Variants in XIRP2 observed in about 807,000 individuals in gnomAD.
XIRP2 encodes the protein xin actin-binding repeat-containing protein 2.
XIRP2 carries 236 observed loss-of-function variants against 277.0 expected under a neutral mutation model. The observed-to-expected ratio is 0.85, with a 90% CI of 0.77 to 0.95. The LOEUF is 0.95. Among genes scored for constraint, XIRP2 ranks in the 40% least tolerant of loss-of-function variants. The pLI is 0.00. For synonymous variants in XIRP2, 1,490 were observed against 1,416.5 expected, an observed-to-expected ratio of 1.05 and a Z score of -1.17; for missense variants, 4,640 against 4,157.5, an observed-to-expected ratio of 1.12 and a Z score of -3.19.
chr2:167,082,573 G>C (rs1574235610), intron 2 of XIRP2, among the ~76,000 whole-genome samples: 1 of 152,094 alleles, frequency 6.6e-6, no homozygotes, highest in South Asian at 2.1e-4. Context: ...CAGTGTAAAA[G>C]TGTTCCTATT....
chr2:167,115,838 G>T (rs1345534726), intron 2 of XIRP2, among the ~76,000 whole-genome samples: 2 of 152,154 alleles, frequency 1.3e-5, no homozygotes, highest in African/African-American at 2.4e-5. Context: ...GGAAGCTCTA[G>T]CAGATGTTCA....
At chr2:167,008,237 T>A (rs892297100) in intron 2 of XIRP2, among the ~76,000 whole-genome samples, 1 of 151,684 alleles carries the variant, frequency 6.6e-6, no homozygotes, top group African/African-American at 2.4e-5. Flanking sequence ...AAACAAAATT[T>A]TTTTTTCTGC....
rs190378829 is a variant in XIRP2, at chr2:167,126,873, G to T, written c.409-9036G>T. 2.4e-3 allele frequency among the ~76,000 whole-genome samples: 358 copies of T among 152,290 alleles called. 2 individuals carry two copies. The highest frequency in any genetic ancestry group is 8.3e-3 in the African/African-American group (343 of 41,562). On this transcript the variant is annotated intron_variant, in intron 2 of 10. Transcript: ENST00000409195. ...TAGCACCTTCCCATAGGGTTGAAAT[G>T]AAAATTCCATGAGTATAATACAACT...
At chr2:167,047,378 A>G (rs995801327) in intron 2 of XIRP2, among the ~76,000 whole-genome samples, 9 of 152,026 alleles carry the variant, frequency 5.9e-5, no homozygotes, top group Admixed American at 5.9e-4. Flanking sequence ...CCGAGATAAC[A>G]TTACACAAGA....
intron 3 of XIRP2, chr2:167,184,757 G>T: frequency 1.6e-6 from 1 of 638,896 alleles, no homozygotes; most frequent in South Asian, 1.9e-5. Flanking sequence ...TGTCTTCCAT[G>T]ACAGCATTGG....
At chr2:166,930,539 A>G (rs190035266) in intron 2 of XIRP2, among the ~76,000 whole-genome samples, 4 of 152,290 alleles carry the variant, frequency 2.6e-5, no homozygotes, top group Non-Finnish European at 4.4e-5. Context: ...ATATGCCTCT[A>G]TTGAAATTTG....
chr2:167,143,413 C>T (rs141426755), intron 3 of XIRP2, among the ~76,000 whole-genome samples: 28 of 152,002 alleles, frequency 1.8e-4, no homozygotes, highest in African/African-American at 6.0e-4. Flanking sequence ...GGAGAAAGAA[C>T]GCATGTGTGA....
intron 1 of XIRP2, among the ~76,000 whole-genome samples, chr2:166,889,167 G>A (rs1445825734): frequency 1.3e-5 from 2 of 152,168 alleles, no homozygotes; most frequent in Admixed American, 6.5e-5. Flanking sequence ...TGATCTAGCA[G>A]ACAAATGGAA....
At chr2:167,194,298 C>G (rs1295285039) in intron 3 of XIRP2, among the ~76,000 whole-genome samples, 1 of 152,052 alleles carries the variant, frequency 6.6e-6, no homozygotes, top group Admixed American at 6.6e-5. Context: ...GCAGGCTAGT[C>G]TCAAACTCCT....
chr2:167,061,050 T>C (rs897719173), intron 2 of XIRP2, among the ~76,000 whole-genome samples: 6 of 152,168 alleles, frequency 3.9e-5, no homozygotes, highest in Non-Finnish European at 5.9e-5. Flanking sequence ...TATTTTATAG[T>C]ATTAAAGCAT....
chr2:167,240,852 C>G, intron 7 of XIRP2, 116 bp downstream of exon 7: 6 of 870,628 alleles, frequency 6.9e-6, no homozygotes, highest in African/African-American at 1.7e-5. Context: ...GTAACTATGA[C>G]TCATGGTTCC....
At chr2:167,018,129 T>C (rs1390018360) in intron 2 of XIRP2, among the ~76,000 whole-genome samples, 1 of 152,042 alleles carries the variant, frequency 6.6e-6, no homozygotes, top group African/African-American at 2.4e-5. Flanking sequence ...TCATTCAACA[T>C]AGCAATAACC....
intron 2 of XIRP2, among the ~76,000 whole-genome samples, chr2:166,918,073 C>T (rs1257648216): frequency 6.6e-6 from 1 of 152,096 alleles, no homozygotes; most frequent in African/African-American, 2.4e-5. Context: ...TGCTGTTTTG[C>T]CCTTCGCAGT....
chr2:167,066,555 A>C (rs1574220716), intron 2 of XIRP2, among the ~76,000 whole-genome samples: 5 of 152,088 alleles, frequency 3.3e-5, no homozygotes, highest in African/African-American at 1.2e-4. Context: ...TATGAAAAAC[A>C]GAATAGCAGT....
intron 2 of XIRP2, among the ~76,000 whole-genome samples, chr2:167,050,123 C>T (rs1219311962): frequency 6.6e-6 from 1 of 151,996 alleles, no homozygotes; most frequent in South Asian, 2.1e-4. Flanking sequence ...ACTTTGAAAG[C>T]CAGTTGCCAA....
At chr2:167,158,355 T>A (rs1390418899) in intron 3 of XIRP2, among the ~76,000 whole-genome samples, 1 of 152,238 alleles carries the variant, frequency 6.6e-6, no homozygotes, top group Non-Finnish European at 1.5e-5. Context: ...TTTTGCAAAT[T>A]TGAAAACACT....
intron 2 of XIRP2, among the ~76,000 whole-genome samples, chr2:167,066,153 C>T (rs1689298878): frequency 6.6e-6 from 1 of 151,870 alleles, no homozygotes; most frequent in African/African-American, 2.4e-5. Context: ...AAAGTATAGA[C>T]ACTATGTTGT....
intron 4 of XIRP2, among the ~76,000 whole-genome samples, chr2:167,212,002 G>T (rs1412120390): frequency 6.6e-6 from 1 of 152,054 alleles, no homozygotes; most frequent in Admixed American, 6.6e-5. Context: ...CAAAAAAGGT[G>T]GTGTATTAAA....
At chr2:167,105,116 T>C (rs1408477123) in intron 2 of XIRP2, among the ~76,000 whole-genome samples, 3 of 151,750 alleles carry the variant, frequency 2.0e-5, no homozygotes, top group Non-Finnish European at 4.4e-5. Flanking sequence ...TTTTAGATAA[T>C]TGTAGATCCA....
Sources: allele counts gnomAD v4.1 joint callset (sites outside exome capture counted in the v4.1 genomes callset), GRCh38; gene constraint gnomAD v4.1.1; transcripts MANE v1.5; gene names NCBI Gene and HGNC (gene_info 2026-07-23, HGNC 2026-07-21).